Variants in TRPM2 observed in about 807,000 individuals in gnomAD.
TRPM2 encodes the protein estrogen-responsive element-associated gene 1 protein.
TRPM2 carries 161 observed loss-of-function variants against 174.0 expected under a neutral mutation model. The observed-to-expected ratio is 0.93, with a 90% CI of 0.81 to 1.05. The LOEUF is 1.05. TRPM2 is among the 50% of genes least tolerant of loss of function. The probability of loss-of-function intolerance (pLI) is 0.00; values close to 1 mark genes in which losing one functional copy is unlikely to be tolerated. For synonymous variants in TRPM2, 954 were observed against 861.3 expected, an observed-to-expected ratio of 1.11 and a Z score of -1.88; for missense variants, 2,057 against 2,038.0, an observed-to-expected ratio of 1.01 and a Z score of -0.18.
Position 44,395,747 on chromosome 21 carries a change from G to A in TRPM2, c.1932+196G>A, listed in dbSNP as rs371645702. ...GCTGTGGAGGGATGTGGAGGCTGTG[G>A]AGGGGTGTGGAGGGGTGTGGAGGGC... On this transcript the variant is annotated intron_variant, in intron 12 of 31. Coordinates refer to ENST00000397928, the MANE Select transcript of TRPM2 (RefSeq NM_003307.4). 0.93 allele frequency among the ~76,000 whole-genome samples: 45,280 copies of A among 48,462 alleles called. 21,146 individuals carry two copies. The highest frequency in any genetic ancestry group is 0.95 in the East Asian group (1,740 of 1,826). The allele number at this position is 48,462 out of a possible 152,430, so 31.8% of individuals were successfully genotyped here.
chr21:44,395,240 G>A (rs1473637635), intron 11 of TRPM2, among the ~76,000 whole-genome samples, 174 bp from the exon 12 acceptor site: 1 of 152,216 alleles, frequency 6.6e-6, no homozygotes, highest in African/African-American at 2.4e-5. Context: ...AAAAACTTCA[G>A]TGTGCATAAG....
At chr21:44,374,243 T>C (rs1454553439) in intron 5 of TRPM2, among the ~76,000 whole-genome samples, 1 of 152,162 alleles carries the variant, frequency 6.6e-6, no homozygotes, top group African/African-American at 2.4e-5. Context: ...ACTCCTGACC[T>C]CAACTGATCT....
Position 44,366,148 on chromosome 21 carries a change from C to T in TRPM2, c.424-606C>T, listed in dbSNP as rs187314718. 6.5e-4 allele frequency among the ~76,000 whole-genome samples: 99 copies of T among 152,150 alleles called. No homozygotes were observed. The highest frequency in any genetic ancestry group is 1.0e-3 in the South Asian group (5 of 4,826). ...CCTGGAGGACGGGGGGCCAGAGTGA[C>T]GACAGAACCTGGGAGAGCCGTGTTC... is the stretch of plus-strand genomic sequence containing the variant. On this transcript the variant is annotated intron_variant, in intron 3 of 31. Transcript: ENST00000397928. This position sits in a 1 kb window ranked among gnomAD's most constrained non-coding sequence, Gnocchi z 6.0.
At chr21:44,362,083 A>G (rs1014075162) in intron 2 of TRPM2, among the ~76,000 whole-genome samples, 1 of 152,272 alleles carries the variant, frequency 6.6e-6, no homozygotes, top group African/African-American at 2.4e-5. Context: ...TATATAATAC[A>G]GCTTATCACA....
At chr21:44,377,080 C>T (rs2048726476) in intron 6 of TRPM2, among the ~76,000 whole-genome samples, 1 of 152,176 alleles carries the variant, frequency 6.6e-6, no homozygotes, top group African/African-American at 2.4e-5. Context: ...GTTCAGGGAC[C>T]ACACTTTGAG....
chr21:44,363,107 A>G (rs1281196904), intron 2 of TRPM2, among the ~76,000 whole-genome samples: 1 of 152,020 alleles, frequency 6.6e-6, no homozygotes, highest in Non-Finnish European at 1.5e-5. Flanking sequence ...TAGTTTTTGG[A>G]AGTTTAACTG....
Position 44,427,104 on chromosome 21 carries a change from T to G in TRPM2, c.3967T>G (p.Leu1323Val). 3.1e-6 allele frequency: 5 copies of G among 1,591,190 alleles called. No individual in the cohort carries two copies. The highest frequency in any genetic ancestry group is 4.3e-6 in the Non-Finnish European group (5 of 1,169,244). The change falls in exon 27 of 32, where the codon TTG (leucine) becomes GTG (valine). Residue 1323 changes from leucine to valine, a missense_variant. Leu to Val is a conservative substitution (Grantham distance 32). Coordinates refer to ENST00000397928, the MANE Select transcript of TRPM2 (RefSeq NM_003307.4). ...FHGPYTVQAG[L>V]PLNPMGRTGL... ...CGGGCCGTACACAGTGCAGGCCGGG[T>G]TGCCCCTGTGAGTGTGCCCCCTGCG...
Position 44,395,294 on chromosome 21 carries a change from G to A in TRPM2, c.1795-120G>A, listed in dbSNP as rs1602208575. 3.2e-6 allele frequency: 4 copies of A among 1,269,100 alleles called. No individual in the cohort carries two copies. The African/African-American group carries it at 6.0e-5, about 19-fold the overall frequency. 78.6% of individuals were successfully genotyped at this position (1,269,100 alleles called of 1,614,324 possible). A position where few individuals can be genotyped will look rare whatever the true frequency, so the allele number is the denominator to read the frequency against. On this transcript the variant is annotated intron_variant, in intron 11 of 31. Transcript: ENST00000397928. ...TGAAAATGCAGGTTGTAGTTCTCCA[G>A]GGACAGTGAGATCCTGAGAAGGTCG...
intron 19 of TRPM2, among the ~76,000 whole-genome samples, chr21:44,413,265 A>G (rs927997706): frequency 1.2e-4 from 15 of 126,144 alleles, no homozygotes; most frequent in Non-Finnish European, 1.6e-4. Context: ...TGAGACAGAC[A>G]TTTGCTCTTG....
intron 27 of TRPM2, among the ~76,000 whole-genome samples, chr21:44,430,835 A>T (rs552612125): frequency 6.6e-6 from 1 of 152,152 alleles, no homozygotes; most frequent in East Asian, 1.9e-4. Flanking sequence ...CTGGAAAATT[A>T]TAATTTCATC....
intron 2 of TRPM2, among the ~76,000 whole-genome samples, chr21:44,356,045 A>G (rs1307524768): frequency 6.7e-6 from 1 of 149,230 alleles, no homozygotes; most frequent in African/African-American, 2.5e-5. Flanking sequence ...TACTGCATTT[A>G]AAAAATTTGT....
At chr21:44,379,326 G>A (rs921430258) in intron 8 of TRPM2, 129 bp downstream of exon 8, 28 of 1,086,714 alleles carry the variant, frequency 2.6e-5, no homozygotes, top group South Asian at 1.6e-4. Context: ...GTGCCAGAGC[G>A]ATTTGCAGAG....
At chr21:44,371,487 G>A (rs1451798823) in intron 5 of TRPM2, among the ~76,000 whole-genome samples, 3 of 96,790 alleles carry the variant, frequency 3.1e-5, no homozygotes, top group African/African-American at 4.2e-5. Flanking sequence ...TCCCGTGGCC[G>A]CCTCCCTCCA....
intron 2 of TRPM2, among the ~76,000 whole-genome samples, chr21:44,358,557 C>T (rs1369115212): frequency 6.6e-6 from 1 of 152,238 alleles, no homozygotes; most frequent in Non-Finnish European, 1.5e-5. Context: ...TCCAGCATCA[C>T]ATCAGGCTTG....
chr21:44,363,784 C>T (rs934689693), intron 2 of TRPM2, among the ~76,000 whole-genome samples: 1 of 152,140 alleles, frequency 6.6e-6, no homozygotes, highest in African/African-American at 2.4e-5. Flanking sequence ...GACTCAAGAT[C>T]TTGAGTTTTA....
At chr21:44,414,186 GCA>G (rs1387433399) in intron 20 of TRPM2, 112 bp downstream of exon 20, 66 of 1,339,772 alleles carry the variant, frequency 4.9e-5, no homozygotes, top group Non-Finnish European at 4.4e-5. Context: ...ATGGGCTGGT[GCA>G]CAGAGGCGCG....
chr21:44,367,018 G>C lies in TRPM2; in HGVS notation c.604+84G>C. On this transcript the variant is annotated intron_variant, in intron 4 of 31. Coordinates refer to ENST00000397928, the MANE Select transcript of TRPM2 (RefSeq NM_003307.4). This position sits in a 1 kb window ranked among gnomAD's most constrained non-coding sequence, Gnocchi z 4.6. ...GTGCTGGGGCAATCAGGGCCATCAG[G>C]ACCCAAAAAGTCCCTGGGAGCCGCC... 6.9e-7 allele frequency: 1 copy of C among 1,450,820 alleles called. No individual in the cohort carries two copies. 89.9% of individuals were successfully genotyped at this position (1,450,820 alleles called of 1,614,324 possible).
intron 24 of TRPM2, chr21:44,425,183 T>G (rs1159711719): frequency 1.9e-6 from 1 of 533,506 alleles, no homozygotes; most frequent in African/African-American, 1.9e-5. Context: ...AGGCCTGGCC[T>G]GCTGTGCCCT....
At chr21:44,372,626 G>A (rs2048573320) in intron 5 of TRPM2, among the ~76,000 whole-genome samples, 1 of 152,220 alleles carries the variant, frequency 6.6e-6, no homozygotes, top group African/African-American at 2.4e-5. Flanking sequence ...ATGTGCACCT[G>A]TGAGACCAGA....
Sources: allele counts gnomAD v4.1 joint callset (sites outside exome capture counted in the v4.1 genomes callset), GRCh38; gene constraint gnomAD v4.1.1; non-coding constraint Gnocchi (gnomAD v3.1); transcripts MANE v1.5; gene names NCBI Gene and HGNC (gene_info 2026-07-23, HGNC 2026-07-21).